Variants in ROBO1 observed in about 807,000 individuals in gnomAD.
ROBO1 encodes roundabout guidance receptor 1.
ROBO1 carries 149 observed loss-of-function variants against 195.9 expected under a neutral mutation model. That is an observed-to-expected ratio of 0.76 (90% CI 0.67 to 0.87). The LOEUF (loss-of-function observed/expected upper bound fraction) is 0.87, where lower values mean the gene tolerates loss of function less well. ROBO1 is among the 40% of genes least tolerant of loss of function. The pLI is 0.00. For missense variants in ROBO1, 1,933 were observed against 2,068.3 expected (o/e 0.93, Z 1.27); for synonymous variants, 816 against 733.2 (o/e 1.11, Z -1.82).
At chr3:79,167,145 T>C (rs954442907) in intron 2 of ROBO1, among the ~76,000 whole-genome samples, 5 of 130,750 alleles carry the variant, frequency 3.8e-5, no homozygotes, top group Admixed American at 7.3e-5. Flanking sequence ...ATAATATTGA[T>C]TATAAAATTG....
chr3:78,866,677 A>T (rs2107083914), intron 4 of ROBO1, among the ~76,000 whole-genome samples: 1 of 152,316 alleles, frequency 6.6e-6, no homozygotes, highest in South Asian at 2.1e-4. Context: ...GAACTCTTAT[A>T]TTGTTTAGTA....
chr3:79,740,251 A>G (rs1438241353), intron 1 of ROBO1, among the ~76,000 whole-genome samples: 1 of 147,108 alleles, frequency 6.8e-6, no homozygotes, highest in African/African-American at 2.5e-5. Context: ...ATATATATAT[A>G]TACTGAACTG....
intron 3 of ROBO1, among the ~76,000 whole-genome samples, chr3:79,069,237 G>C (rs181685530): frequency 6.6e-6 from 1 of 151,806 alleles, no homozygotes; most frequent in Non-Finnish European, 1.5e-5. Context: ...TATGCAAATT[G>C]TATCTTGAAC....
At chr3:78,890,535 T>C (rs552325879) in intron 4 of ROBO1, among the ~76,000 whole-genome samples, 1 of 152,118 alleles carries the variant, frequency 6.6e-6, no homozygotes, top group African/African-American at 2.4e-5. Flanking sequence ...CAATTTGTTA[T>C]AGGAGCCCAA....
chr3:78,916,339 G>C (rs1487293019), intron 4 of ROBO1, among the ~76,000 whole-genome samples: 1 of 151,420 alleles, frequency 6.6e-6, no homozygotes, highest in Non-Finnish European at 1.5e-5. Flanking sequence ...AACCACCTGA[G>C]GTCAAAACTC....
intron 2 of ROBO1, among the ~76,000 whole-genome samples, chr3:79,139,702 G>A (rs1029587033): frequency 6.6e-6 from 1 of 152,136 alleles, no homozygotes; most frequent in Non-Finnish European, 1.5e-5. Context: ...TTATCTGTGA[G>A]AGTTAATTTC....
intron 2 of ROBO1, among the ~76,000 whole-genome samples, chr3:79,144,485 T>A (rs1170607650): frequency 6.6e-6 from 1 of 152,030 alleles, no homozygotes; most frequent in African/African-American, 2.4e-5. Context: ...TTCTTCTAAA[T>A]CTTTCTTTTC....
intron 10 of ROBO1, among the ~76,000 whole-genome samples, chr3:78,684,954 A>C (rs2081019002): frequency 6.6e-6 from 1 of 152,048 alleles, no homozygotes; most frequent in Non-Finnish European, 1.5e-5. Context: ...TTTGGAATTG[A>C]TAGTGAAAAT....
intron 2 of ROBO1, among the ~76,000 whole-genome samples, chr3:79,243,457 A>C (rs1048118018): frequency 6.6e-6 from 1 of 152,090 alleles, no homozygotes; most frequent in Admixed American, 6.5e-5. Flanking sequence ...CCAACAGTGT[A>C]AAAGTGTTCC....
chr3:79,091,134 T>A (rs543546424), intron 3 of ROBO1, among the ~76,000 whole-genome samples: 1 of 152,270 alleles, frequency 6.6e-6, no homozygotes, highest in Non-Finnish European at 1.5e-5. Flanking sequence ...CATTCTTCAG[T>A]AACATAACCC....
At chr3:78,870,171 A>T (rs1445370198) in intron 4 of ROBO1, among the ~76,000 whole-genome samples, 1 of 152,152 alleles carries the variant, frequency 6.6e-6, no homozygotes, top group Non-Finnish European at 1.5e-5. Flanking sequence ...CATCTGCACC[A>T]AATCTGTATA....
At chr3:79,442,689 AC>A (rs1262433725) in intron 2 of ROBO1, among the ~76,000 whole-genome samples, 1 of 152,072 alleles carries the variant, frequency 6.6e-6, no homozygotes, top group African/African-American at 2.4e-5. Context: ...ATACAAAAGG[AC>A]CACCTCCTTT....
chr3:78,603,594 C>T (rs1391685669), intron 29 of ROBO1, among the ~76,000 whole-genome samples: 1 of 152,086 alleles, frequency 6.6e-6, no homozygotes, highest in African/African-American at 2.4e-5. Flanking sequence ...AGGCAAATGT[C>T]AGCAAAATGA....
chr3:79,368,227 A>C (rs2036047988), intron 2 of ROBO1, among the ~76,000 whole-genome samples: 1 of 152,114 alleles, frequency 6.6e-6, no homozygotes, highest in Admixed American at 6.5e-5. Flanking sequence ...GCCACTGCGT[A>C]TGACCTCCTT....
chr3:79,441,402 T>C (rs2039048843), intron 2 of ROBO1, among the ~76,000 whole-genome samples: 2 of 152,152 alleles, frequency 1.3e-5, no homozygotes. Context: ...TCAAACTATG[T>C]ATTTCTGTAT....
At chr3:79,519,690 G>A (rs1399703872) in intron 2 of ROBO1, among the ~76,000 whole-genome samples, 2 of 148,018 alleles carry the variant, frequency 1.4e-5, no homozygotes, top group South Asian at 2.2e-4. Flanking sequence ...AATATAATAT[G>A]TTGTCCCAGC....
At chr3:79,256,174 A>G (rs775948124) in intron 2 of ROBO1, among the ~76,000 whole-genome samples, 22 of 152,250 alleles carry the variant, frequency 1.4e-4, no homozygotes, top group Non-Finnish European at 2.4e-4. Context: ...CCATCCACCC[A>G]CTTAAATAAT....
At chr3:79,627,052 T>C (rs1474421110) in intron 1 of ROBO1, among the ~76,000 whole-genome samples, 9 of 152,160 alleles carry the variant, frequency 5.9e-5, no homozygotes, top group Non-Finnish European at 1.2e-4. Flanking sequence ...AGAATCAATA[T>C]TGTCAAAATG....
At chr3:79,755,005 C>T (rs12638379) in intron 1 of ROBO1, among the ~76,000 whole-genome samples, 48,621 of 151,834 alleles carry the variant, frequency 0.32, 9,283 homozygotes, top group Middle Eastern at 0.53. Context: ...CTCAGCCTCC[C>T]GAGTAGCTGG....
Sources: gnomAD v4.1 joint callset for allele counts (sites outside exome capture counted in the v4.1 genomes callset) on GRCh38, gnomAD v4.1.1 for gene constraint, MANE v1.5 for transcripts, NCBI Gene and HGNC (gene_info 2026-07-23, HGNC 2026-07-21) for gene names.